Variants in INTS10 observed in about 807,000 individuals in gnomAD.
INTS10 encodes chromosome 8 open reading frame 35.
In INTS10, 44 loss-of-function variants were observed where a neutral mutation model predicts 94.4. The observed-to-expected ratio is 0.47, with a 90% confidence interval of 0.37 to 0.60. INTS10 has a LOEUF of 0.60. INTS10 is among the 20% of genes least tolerant of loss of function. The pLI, the probability that INTS10 is intolerant of heterozygous loss-of-function variation, is 0.00. For missense variants in INTS10, 797 were observed against 868.7 expected (o/e 0.92, Z 1.04); for synonymous variants, 341 against 320.7 (o/e 1.06, Z -0.68).
intron 1 of INTS10, 70 bp downstream of exon 1, chr8:19,817,736 G>T: frequency 6.5e-7 from 1 of 1,532,926 alleles, no homozygotes; most frequent in Non-Finnish European, 8.8e-7. Flanking sequence ...GGCTGCCCTG[G>T]CCCAGAGCTG....
At chr8:19,848,557 A>G (rs543768052) in intron 16 of INTS10, among the ~76,000 whole-genome samples, 2 of 152,324 alleles carry the variant, frequency 1.3e-5, no homozygotes, top group East Asian at 3.9e-4. Flanking sequence ...CTAATACACT[A>G]AATCTTTGTT....
chr8:19,826,111 G>T (rs2410613), intron 8 of INTS10, among the ~76,000 whole-genome samples: 1 of 151,550 alleles, frequency 6.6e-6, no homozygotes, highest in African/African-American at 2.4e-5. Flanking sequence ...TTTAAGTCTC[G>T]CTCTGTCGCC....
intron 2 of INTS10, 43 bp downstream of exon 2, chr8:19,818,385 T>C: frequency 3.2e-6 from 5 of 1,581,264 alleles, no homozygotes; most frequent in South Asian, 1.1e-5. Flanking sequence ...ACTGAATCTC[T>C]CCATGAGGTT....
At chr8:19,830,626 T>C in intron 10 of INTS10, 67 bp downstream of exon 10, 1 of 1,435,006 alleles carries the variant, frequency 7.0e-7, no homozygotes, top group Non-Finnish European at 9.6e-7. Flanking sequence ...ACTTCAAATG[T>C]CAGGTCACTT....
Position 19,823,182 on chromosome 8 carries a change from A to AT in INTS10, c.524-114dup, listed in dbSNP as rs1388395023. ...ATTTTGAATACATGAGTCATAAGGG[A>AT]TTTTTCCCCCTATATATTTTAGATA... On this transcript the variant is annotated intron_variant, in intron 5 of 16. Transcript: ENST00000397977. The AT allele has an allele frequency of 2.8e-5, 21 of 745,246 alleles. No individual in the cohort carries two copies. In the East Asian group the frequency reaches 4.8e-4, roughly 17 times the overall value. The allele number at this position is 745,246 out of a possible 1,614,324, so 46.2% of individuals were successfully genotyped here. A position where few individuals can be genotyped will look rare whatever the true frequency, so the allele number is the denominator to read the frequency against.
chr8:19,822,245 A>C (rs1193425695), intron 4 of INTS10, 194 bp from the exon 5 acceptor site: 9 of 436,296 alleles, frequency 2.1e-5, no homozygotes, highest in African/African-American at 1.8e-4. Context: ...TCAGATGTTC[A>C]GGTGAATTTG....
At chr8:19,820,097 GCTCT>G (rs1186367670) in intron 3 of INTS10, among the ~76,000 whole-genome samples, 10 of 152,230 alleles carry the variant, frequency 6.6e-5, no homozygotes, top group Non-Finnish European at 1.3e-4. Context: ...ACAAGCACAT[GCTCT>G]CTATCTCAAC....
intron 3 of INTS10, 41 bp from the exon 4 acceptor site, chr8:19,820,338 G>T (rs745446566): frequency 1.3e-6 from 2 of 1,580,232 alleles, no homozygotes; most frequent in East Asian, 4.6e-5. Flanking sequence ...AGTCTTTTCT[G>T]TCCGCAAGAA....
rs2068884921 is a variant in INTS10, at chr8:19,849,951, A to C, written c.1977-1698A>C. 6.6e-6 allele frequency among the ~76,000 whole-genome samples: 1 copy of C among 152,024 alleles called. No homozygotes were observed. Among genetic ancestry groups the C allele is most frequent in the South Asian group, 2.1e-4 (1 of 4,816 alleles). On this transcript the variant is annotated intron_variant, in intron 16 of 16. Transcript: ENST00000397977. The surrounding 1 kb of genome is among the most constrained non-coding windows in gnomAD (Gnocchi z 4.6). ...GGATGTAGCATTTAGTTATATTTTT[A>C]GTGGTATTAAAAGCAGGGTTTATTA...
In INTS10 at chr8:19,830,489, A is replaced by G. The variant is rs367807736; in HGVS notation, c.1224A>G (p.Glu408=). The change falls in exon 10 of 17, where the codon GAA becomes GAG. Residue 408 remains glutamate, a synonymous_variant. Coordinates refer to ENST00000397977, the MANE Select transcript of INTS10 (RefSeq NM_018142.4). ...VNKAELANST[E]VLESFKLARE... ...AAGCCGAACTTGCTAACTCCACTGA[A>G]GTGTTAGAAAGCTTTAAATTGGCCA... The G allele has an allele frequency of 3.1e-5, 50 of 1,613,982 alleles. No individual in the cohort carries two copies. Among genetic ancestry groups the G allele is most frequent in the East Asian group, 2.0e-4 (9 of 44,880 alleles).
chr8:19,839,371 A>G (rs1001864379), intron 13 of INTS10, among the ~76,000 whole-genome samples: 3 of 152,168 alleles, frequency 2.0e-5, no homozygotes, highest in Middle Eastern at 3.4e-3. Flanking sequence ...GAATAAAGGC[A>G]TAAAGATCTG....
rs2068877685 is a variant in INTS10 at position 19,849,843 on chromosome 8, G to C, written c.1977-1806G>C. 6.6e-6 allele frequency among the ~76,000 whole-genome samples: 1 copy of C among 152,124 alleles called. No individual in the cohort carries two copies. Among genetic ancestry groups the C allele is most frequent in the African/African-American group, 2.4e-5 (1 of 41,422 alleles). On this transcript the variant is annotated intron_variant, in intron 16 of 16. Coordinates refer to ENST00000397977, the MANE Select transcript of INTS10 (RefSeq NM_018142.4). The surrounding 1 kb of genome is among the most constrained non-coding windows in gnomAD (Gnocchi z 4.6). ...CTCTTTTTCATCCAAACTTACCAAAGTGATAGTGCTTCTAATAGAAATATA... is the reference window on the plus strand; with the variant it reads ...CTCTTTTTCATCCAAACTTACCAAACTGATAGTGCTTCTAATAGAAATATA...
chr8:19,832,202 C>T (rs1396995447), intron 11 of INTS10, 92 bp downstream of exon 11: 14 of 753,448 alleles, frequency 1.9e-5, no homozygotes, highest in Admixed American at 9.2e-5. Flanking sequence ...GTCATGTTCC[C>T]TCTTGGGCTA....
intron 13 of INTS10, among the ~76,000 whole-genome samples, chr8:19,841,537 C>T (rs2068124606): frequency 6.6e-6 from 1 of 152,132 alleles, no homozygotes; most frequent in Admixed American, 6.5e-5. Flanking sequence ...AGCAGAAATC[C>T]AAATGGCCAA....
Position 19,851,307 on chromosome 8 carries a change from C to T in INTS10, c.1977-342C>T, listed in dbSNP as rs953234781. On this transcript the variant is annotated intron_variant, in intron 16 of 16. Transcript: ENST00000397977. This position sits in a 1 kb window ranked among gnomAD's most constrained non-coding sequence, Gnocchi z 5.0. ...TCTTTGTAGCCAGTGTGGACTGGAC[C>T]CATTTGGCCCTAAGTAACTGAATTG... 2.0e-5 allele frequency among the ~76,000 whole-genome samples: 3 copies of T among 152,060 alleles called. No individual in the cohort carries two copies. Among genetic ancestry groups the T allele is most frequent in the African/African-American group, 7.2e-5 (3 of 41,408 alleles).
intron 9 of INTS10, 149 bp from the exon 10 acceptor site, chr8:19,830,257 C>G (rs2067127618): frequency 1.9e-6 from 1 of 536,384 alleles, no homozygotes; most frequent in African/African-American, 2.0e-5. Flanking sequence ...ATTTTCAAAG[C>G]TAAATTGTTA....
intron 4 of INTS10, chr8:19,821,171 C>T (rs2066343955): frequency 6.6e-6 from 1 of 152,164 alleles, no homozygotes; most frequent in East Asian, 1.9e-4. Flanking sequence ...TTGTGTTAGT[C>T]TCCTAGGGTT....
In INTS10 at chr8:19,843,955, C is replaced by A; in HGVS notation, c.1720-121C>A. 1 of 697,320 alleles carries A rather than the reference C, an allele frequency of 1.4e-6. No homozygotes were observed. The highest frequency in any genetic ancestry group is 2.4e-6 in the Non-Finnish European group (1 of 425,292). 43.2% of individuals were successfully genotyped at this position (697,320 alleles called of 1,614,324 possible). A position where few individuals can be genotyped will look rare whatever the true frequency, so the allele number is the denominator to read the frequency against. ...GTTGTGCCTTTGTTTCCTTCTTACTCTAATGACGTTTATCACACATTTGCA... is the reference window on the plus strand; with the variant it reads ...GTTGTGCCTTTGTTTCCTTCTTACTATAATGACGTTTATCACACATTTGCA... On this transcript the variant is annotated intron_variant, in intron 14 of 16. Coordinates refer to ENST00000397977, the MANE Select transcript of INTS10 (RefSeq NM_018142.4). This position sits in a 1 kb window ranked among gnomAD's most constrained non-coding sequence, Gnocchi z 4.7.
In INTS10 at chr8:19,817,514, T is replaced by C. The variant is rs867776493; in HGVS notation, c.-24T>C. On this transcript the variant is annotated 5_prime_UTR_variant, in exon 1 of 17. Coordinates refer to ENST00000397977, the MANE Select transcript of INTS10 (RefSeq NM_018142.4). ...GCCGGACGTTCCGGCCGCTTCGGGCTGGCGGCTGGAGAGCGCTCGGGTCAT... is the reference window on the plus strand; with the variant it reads ...GCCGGACGTTCCGGCCGCTTCGGGCCGGCGGCTGGAGAGCGCTCGGGTCAT... 3.1e-6 allele frequency: 5 copies of C among 1,599,712 alleles called. No individual in the cohort carries two copies. The highest frequency in any genetic ancestry group is 2.2e-4 in the Middle Eastern group (1 of 4,640).
Sources: allele counts gnomAD v4.1 joint callset (sites outside exome capture counted in the v4.1 genomes callset), GRCh38; gene constraint gnomAD v4.1.1; non-coding constraint Gnocchi (gnomAD v3.1); transcripts MANE v1.5; gene names NCBI Gene and HGNC (gene_info 2026-07-23, HGNC 2026-07-21).